Variants in PRKN observed in about 807,000 individuals in gnomAD.
The protein encoded by PRKN is parkin RBR E3 ubiquitin protein ligase.
Under a neutral mutation model 59.5 loss-of-function variants are expected in PRKN, and 56 were observed. That is an observed-to-expected ratio of 0.94 (90% confidence interval 0.76 to 1.18). The LOEUF (loss-of-function observed/expected upper bound fraction) is 1.18, where lower values mean the gene tolerates loss of function less well. PRKN is among the 50% of genes most tolerant of loss of function. The pLI is 0.00. For missense variants in PRKN, 657 were observed against 596.4 expected, an observed-to-expected ratio of 1.10 and a Z score of -1.06; for synonymous variants, 250 against 222.1, an observed-to-expected ratio of 1.13 and a Z score of -1.12.
chr6:161,359,155 A>G lies in PRKN; in HGVS notation c.1285+933T>C, dbSNP rs551764059. On this transcript the variant is annotated intron_variant, in intron 11 of 11. Transcript: ENST00000366898. The surrounding 1 kb of genome is among the most constrained non-coding windows in gnomAD (Gnocchi z 5.4). Reference sequence around the variant, plus strand: ...ATTTTCTAGGAGCACTGCTGCATGCAATGGAGTAATAAGGACACGCTGGGT... The same window carrying G: ...ATTTTCTAGGAGCACTGCTGCATGCGATGGAGTAATAAGGACACGCTGGGT... Among the ~76,000 whole-genome samples, 63 of 152,280 alleles carry G rather than the reference A, an allele frequency of 4.1e-4. No individual in the cohort carries two copies. In the South Asian group the frequency reaches 9.3e-3, roughly 23 times the overall value.
intron 4 of PRKN, among the ~76,000 whole-genome samples, chr6:162,115,600 T>C (rs1439630822): frequency 1.3e-5 from 2 of 151,074 alleles, no homozygotes; most frequent in African/African-American, 4.9e-5. Flanking sequence ...TTCCCAAGTG[T>C]TATCTGAGAG....
intron 7 of PRKN, among the ~76,000 whole-genome samples, chr6:161,767,509 T>G (rs1360371965): frequency 6.2e-5 from 5 of 80,496 alleles, no homozygotes; most frequent in African/African-American, 2.6e-4. Context: ...AGAGCAAAAC[T>G]CCTTCTCAAA....
At chr6:162,507,160 C>T (rs1460098444) in intron 1 of PRKN, among the ~76,000 whole-genome samples, 1 of 152,104 alleles carries the variant, frequency 6.6e-6, no homozygotes, top group Non-Finnish European at 1.5e-5. Flanking sequence ...TTCCTCTTTC[C>T]CCTCTAGTTC....
At chr6:161,872,805 T>C (rs984676695) in intron 6 of PRKN, among the ~76,000 whole-genome samples, 1 of 152,014 alleles carries the variant, frequency 6.6e-6, no homozygotes, top group African/African-American at 2.4e-5. Flanking sequence ...CAGGCTCTTA[T>C]ATTATATTTC....
At chr6:162,115,372 C>T (rs1780623964) in intron 4 of PRKN, among the ~76,000 whole-genome samples, 1 of 151,678 alleles carries the variant, frequency 6.6e-6, no homozygotes, top group Non-Finnish European at 1.5e-5. Context: ...GGAGGGATAG[C>T]ACTGGGAAAT....
At chr6:161,894,525 A>C (rs1027976005) in intron 6 of PRKN, among the ~76,000 whole-genome samples, 8 of 152,102 alleles carry the variant, frequency 5.3e-5, no homozygotes, top group Non-Finnish European at 1.2e-4. Context: ...CTCATTTCCC[A>C]TTTAGTGCTT....
intron 1 of PRKN, among the ~76,000 whole-genome samples, chr6:162,554,607 G>T (rs1779477226): frequency 6.6e-6 from 1 of 151,488 alleles, no homozygotes; most frequent in Admixed American, 6.6e-5. Context: ...GGGGCAGGAG[G>T]TTAACAGATG....
intron 5 of PRKN, among the ~76,000 whole-genome samples, chr6:161,985,290 A>T (rs2128255694): frequency 6.6e-6 from 1 of 152,324 alleles, no homozygotes; most frequent in East Asian, 1.9e-4. Context: ...CAAGAACATA[A>T]CGGCACCCAA....
chr6:162,317,211 A>G (rs1420439723), intron 2 of PRKN, among the ~76,000 whole-genome samples: 1 of 152,102 alleles, frequency 6.6e-6, no homozygotes, highest in African/African-American at 2.4e-5. Flanking sequence ...TTGAATTGTA[A>G]TAATCCTCTC....
chr6:161,687,797 C>G (rs1785623643), intron 7 of PRKN, among the ~76,000 whole-genome samples: 1 of 152,066 alleles, frequency 6.6e-6, no homozygotes, highest in Admixed American at 6.6e-5. Context: ...GTTTTCCTGT[C>G]TTTAGAGTCA....
chr6:162,709,571 T>C (rs1271936072), intron 1 of PRKN, among the ~76,000 whole-genome samples: 3 of 152,130 alleles, frequency 2.0e-5, no homozygotes, highest in African/African-American at 4.8e-5. Context: ...ACCATAGGAA[T>C]TGAAAGCAAG....
At chr6:162,447,432 G>A (rs944568040) in intron 1 of PRKN, among the ~76,000 whole-genome samples, 3 of 151,986 alleles carry the variant, frequency 2.0e-5, no homozygotes, top group East Asian at 1.9e-4. Context: ...TTTTGATGAC[G>A]TATAATATAG....
intron 1 of PRKN, among the ~76,000 whole-genome samples, chr6:162,553,983 G>A (rs1347021818): frequency 1.3e-5 from 2 of 152,164 alleles, no homozygotes; most frequent in Non-Finnish European, 2.9e-5. Context: ...GGACTCCCGT[G>A]GAGGTTAACA....
chr6:162,637,330 A>G (rs2128223722), intron 1 of PRKN, among the ~76,000 whole-genome samples: 1 of 145,562 alleles, frequency 6.9e-6, no homozygotes, highest in South Asian at 2.2e-4. Context: ...CCACCATCAG[A>G]TTGAGATTTC....
chr6:161,947,621 T>C (rs917613209), intron 6 of PRKN, among the ~76,000 whole-genome samples: 8 of 152,210 alleles, frequency 5.3e-5, no homozygotes, highest in South Asian at 2.1e-4. Flanking sequence ...CTTGTATTCA[T>C]GTGTTAAACA....
In PRKN at chr6:162,455,053, T is replaced by C. The variant is rs139242952; in HGVS notation, c.8-11580A>G. On this transcript the variant is annotated intron_variant, in intron 1 of 11. Coordinates refer to ENST00000366898, the MANE Select transcript of PRKN (RefSeq NM_004562.3). Reference sequence around the variant, plus strand: ...AAGAGGGACAAGAGAGATGGTGATGTTCATTTAACTCTCATAGCTCTTCTA... The same window carrying C: ...AAGAGGGACAAGAGAGATGGTGATGCTCATTTAACTCTCATAGCTCTTCTA... Among the ~76,000 whole-genome samples, 140 of 152,314 alleles carry C rather than the reference T, an allele frequency of 9.2e-4. 1 individual carries two copies. The highest frequency in any genetic ancestry group is 1.6e-3 in the Non-Finnish European group (112 of 68,016).
chr6:161,370,451 G>C lies in PRKN; in HGVS notation c.1168-10246C>G, dbSNP rs1785396219. Among the ~76,000 whole-genome samples, 5 of 151,296 alleles carry C rather than the reference G, an allele frequency of 3.3e-5. No homozygotes were observed. In the South Asian group the frequency reaches 1.1e-3, roughly 32 times the overall value. On this transcript the variant is annotated intron_variant, in intron 10 of 11. Coordinates refer to ENST00000366898, the MANE Select transcript of PRKN (RefSeq NM_004562.3). ...AAAAAAAAAAAAAAAAATTAGCCGG[G>C]CGTGGTGGCAGGCACCTGTAGTCCC...
At chr6:161,897,923 C>A (rs530251309) in intron 6 of PRKN, among the ~76,000 whole-genome samples, 4 of 116,794 alleles carry the variant, frequency 3.4e-5, no homozygotes, top group African/African-American at 6.7e-5. Context: ...GCTGAGATCG[C>A]GCCACTGCAC....
At chr6:161,765,809 A>G (rs1309142073) in intron 7 of PRKN, among the ~76,000 whole-genome samples, 1 of 152,204 alleles carries the variant, frequency 6.6e-6, no homozygotes, top group Non-Finnish European at 1.5e-5. Flanking sequence ...GAACAATAAA[A>G]ACTCACCAAG....
Sources: gnomAD v4.1 joint callset for allele counts (sites outside exome capture counted in the v4.1 genomes callset) on GRCh38, gnomAD v4.1.1 for gene constraint, Gnocchi (gnomAD v3.1) non-coding constraint, MANE v1.5 for transcripts, NCBI Gene and HGNC (gene_info 2026-07-23, HGNC 2026-07-21) for gene names.